The following IQCM variants were observed in gnomAD, a reference collection of about 807,000 sequenced individuals.
IQCM encodes the protein IQ motif containing M, also known as IQ domain-containing protein M.
IQCM carries 45 observed loss-of-function variants against 57.6 expected under a neutral mutation model. That is an observed-to-expected ratio of 0.78 (90% CI 0.62 to 1.00). The LOEUF is 1.00. Among genes scored for constraint, IQCM ranks in the 50% least tolerant of loss-of-function variants. IQCM has a pLI of 0.00. For missense variants in IQCM, 468 were observed against 511.6 expected (o/e 0.91, Z 0.82); for synonymous variants, 148 against 158.9 (o/e 0.93, Z 0.51).
chr4:149,681,909 T>C (rs1762207276), intron 7 of IQCM, among the ~76,000 whole-genome samples: 1 of 151,292 alleles, frequency 6.6e-6, no homozygotes, highest in African/African-American at 2.4e-5. Flanking sequence ...TTCATATTTT[T>C]AAAAATCCAG....
intron 13 of IQCM, among the ~76,000 whole-genome samples, chr4:149,353,115 T>C (rs1231091778): frequency 6.6e-6 from 1 of 152,136 alleles, no homozygotes; most frequent in Non-Finnish European, 1.5e-5. Context: ...ATTGGGCCAC[T>C]TTAAAAAAGG....
chr4:149,542,870 A>G (rs1747995686), intron 12 of IQCM, among the ~76,000 whole-genome samples: 1 of 152,088 alleles, frequency 6.6e-6, no homozygotes, highest in Non-Finnish European at 1.5e-5. Context: ...CTTAGATATT[A>G]TCTTCCTTTT....
chr4:149,409,047 C>T lies in IQCM; in HGVS notation c.1390+24349G>A, dbSNP rs74768361. ...TAAAATGATCAACAACTCTCCATAACACTCTTGAAGATGGTGGAAATACTG... is the reference window on the plus strand; with the variant it reads ...TAAAATGATCAACAACTCTCCATAATACTCTTGAAGATGGTGGAAATACTG... On this transcript the variant is annotated intron_variant, in intron 13 of 13. Transcript: ENST00000636793. Among the ~76,000 whole-genome samples, 106 of 152,292 alleles carry T rather than the reference C, an allele frequency of 7.0e-4. 1 individual carries two copies. In the East Asian group the frequency reaches 0.02, roughly 28 times the overall value.
At chr4:149,658,069 G>T (rs1759798333) in intron 7 of IQCM, among the ~76,000 whole-genome samples, 1 of 151,880 alleles carries the variant, frequency 6.6e-6, no homozygotes, top group Non-Finnish European at 1.5e-5. Context: ...GTGCATTTGA[G>T]TCTCATCCTT....
At chr4:149,357,658 C>G (rs553368444) in intron 13 of IQCM, among the ~76,000 whole-genome samples, 2 of 151,996 alleles carry the variant, frequency 1.3e-5, no homozygotes, top group Non-Finnish European at 1.5e-5. Flanking sequence ...AGTATTTTAT[C>G]GAGGATTTTT....
chr4:149,406,894 C>G (rs539108890), intron 13 of IQCM, among the ~76,000 whole-genome samples: 1 of 151,972 alleles, frequency 6.6e-6, no homozygotes, highest in African/African-American at 2.4e-5. Context: ...GACTCACAGT[C>G]CCACATGGCT....
intron 13 of IQCM, among the ~76,000 whole-genome samples, chr4:149,402,613 C>T (rs1732697203): frequency 6.6e-6 from 1 of 151,670 alleles, no homozygotes; most frequent in African/African-American, 2.4e-5. Context: ...AACAATGTTC[C>T]TTTTTTTGTG....
At chr4:149,721,351 G>C (rs1236124271) in intron 5 of IQCM, among the ~76,000 whole-genome samples, 1 of 151,952 alleles carries the variant, frequency 6.6e-6, no homozygotes, top group East Asian at 1.9e-4. Flanking sequence ...TAATTGAACT[G>C]TGTAGTGGTG....
intron 7 of IQCM, among the ~76,000 whole-genome samples, chr4:149,671,393 T>C (rs1338695817): frequency 4.6e-5 from 7 of 152,174 alleles, no homozygotes; most frequent in Non-Finnish European, 1.0e-4. Context: ...TCTTGCTAGC[T>C]GTCTATCAAT....
chr4:149,453,661 A>C (rs1029742085), intron 12 of IQCM, among the ~76,000 whole-genome samples: 1 of 151,998 alleles, frequency 6.6e-6, no homozygotes, highest in Non-Finnish European at 1.5e-5. Context: ...CAAAACCACA[A>C]TGAGATACCA....
chr4:149,631,881 A>C (rs890695709), intron 7 of IQCM, among the ~76,000 whole-genome samples: 8 of 152,202 alleles, frequency 5.3e-5, no homozygotes, highest in Admixed American at 2.0e-4. Flanking sequence ...CAAGATTAGG[A>C]AGCAGTCTGT....
intron 12 of IQCM, among the ~76,000 whole-genome samples, chr4:149,461,267 T>C (rs1579134100): frequency 6.8e-6 from 1 of 147,942 alleles, no homozygotes; most frequent in South Asian, 2.1e-4. Context: ...TTCATCAAAG[T>C]AGTGTTTTAC....
chr4:149,522,649 T>A (rs1173488713), intron 12 of IQCM, among the ~76,000 whole-genome samples: 1 of 152,092 alleles, frequency 6.6e-6, no homozygotes, highest in African/African-American at 2.4e-5. Flanking sequence ...AATTAATATC[T>A]CCAGAGTAAA....
intron 12 of IQCM, among the ~76,000 whole-genome samples, chr4:149,523,034 G>T (rs566033589): frequency 6.6e-6 from 1 of 152,262 alleles, no homozygotes; most frequent in South Asian, 2.1e-4. Context: ...GAGAGGCTGG[G>T]AAGTCCAAGA....
intron 9 of IQCM, among the ~76,000 whole-genome samples, chr4:149,576,324 C>T (rs984526148): frequency 2.6e-5 from 4 of 151,716 alleles, no homozygotes; most frequent in African/African-American, 9.7e-5. Flanking sequence ...CTGAAGTAGG[C>T]CCTTGTGTCT....
chr4:149,645,048 C>T (rs572094392), intron 7 of IQCM, among the ~76,000 whole-genome samples: 6 of 152,226 alleles, frequency 3.9e-5, no homozygotes, highest in South Asian at 2.1e-4. Flanking sequence ...CTGATGAGTT[C>T]GAGCATCTTT....
At position 149,605,556 on chromosome 4, in the gene IQCM, A is replaced by G. The variant is rs191528598; in HGVS notation, c.681+15573T>C. Among the ~76,000 whole-genome samples the G allele has an allele frequency of 2.5e-3, 379 of 152,332 alleles. 1 individual carries two copies. The highest frequency in any genetic ancestry group is 8.6e-3 in the African/African-American group (357 of 41,586). ...TCTCCCAATAAGTATCTTCTAAGCTAGGACAATAGTAGGGTTATTATCTAA... is the reference window on the plus strand; with the variant it reads ...TCTCCCAATAAGTATCTTCTAAGCTGGGACAATAGTAGGGTTATTATCTAA... On this transcript the variant is annotated intron_variant, in intron 8 of 13. Coordinates refer to ENST00000636793, the MANE Select transcript of IQCM (RefSeq NM_001363507.2).
chr4:149,682,372 T>C (rs753117982), intron 6 of IQCM, among the ~76,000 whole-genome samples, 166 bp from the exon 7 acceptor site: 5 of 151,102 alleles, frequency 3.3e-5, no homozygotes, highest in Admixed American at 6.6e-5. Flanking sequence ...GTAAATATTA[T>C]TAAACAAAGA....
chr4:149,711,230 G>A (rs1439886933), intron 5 of IQCM: 3 of 152,150 alleles, frequency 2.0e-5, no homozygotes, highest in East Asian at 3.9e-4. Context: ...ACAATAATTT[G>A]GAAAAAGACT....
Sources: allele counts gnomAD v4.1 joint callset (sites outside exome capture counted in the v4.1 genomes callset), GRCh38; gene constraint gnomAD v4.1.1; transcripts MANE v1.5; gene names NCBI Gene and HGNC (gene_info 2026-07-23, HGNC 2026-07-21).